NRXN3: variants seen among roughly 807,000 people sequenced by gnomAD.
NRXN3 encodes neurexin 3, also known as neurexin III.
In NRXN3, 32 loss-of-function variants were observed where a neutral mutation model predicts 137.6. That is an observed-to-expected ratio of 0.23 (90% CI 0.18 to 0.31). The LOEUF is 0.31. NRXN3 is among the 10% of genes least tolerant of loss of function. The pLI, the probability that NRXN3 is intolerant of heterozygous loss-of-function variation, is 1.00. For synonymous variants in NRXN3, 798 were observed against 784.5 expected, an observed-to-expected ratio of 1.02 and a Z score of -0.29; for missense variants, 1,574 against 2,062.5, an observed-to-expected ratio of 0.76 and a Z score of 4.59.
chr14:79,717,308 A>G (rs1409807754), intron 19 of NRXN3, among the ~76,000 whole-genome samples: 1 of 152,152 alleles, frequency 6.6e-6, no homozygotes. Context: ...TGCCTTTTTG[A>G]TGGAGTAGTC....
chr14:79,306,886 C>T (rs981522621), intron 15 of NRXN3, among the ~76,000 whole-genome samples: 2 of 152,076 alleles, frequency 1.3e-5, no homozygotes, highest in Non-Finnish European at 2.9e-5. Flanking sequence ...TAGTTTTCCC[C>T]ATTATTGACT....
At chr14:78,772,673 T>A (rs1300468568) in intron 8 of NRXN3, among the ~76,000 whole-genome samples, 1 of 152,226 alleles carries the variant, frequency 6.6e-6, no homozygotes, top group Non-Finnish European at 1.5e-5. Context: ...ATGCAGATTC[T>A]GATTCACTAG....
chr14:78,517,639 G>A (rs966634960), intron 4 of NRXN3, among the ~76,000 whole-genome samples: 3 of 152,114 alleles, frequency 2.0e-5, no homozygotes, highest in Non-Finnish European at 4.4e-5. Flanking sequence ...CTCAGAGATA[G>A]GTGAAAACCA....
intron 15 of NRXN3, among the ~76,000 whole-genome samples, chr14:79,265,534 G>A (rs1032719261): frequency 3.9e-5 from 6 of 152,070 alleles, no homozygotes; most frequent in East Asian, 1.9e-4. Context: ...CGATTCTATG[G>A]CTGTATAGTC....
At chr14:79,372,124 T>G (rs550178492) in intron 15 of NRXN3, among the ~76,000 whole-genome samples, 11 of 128,688 alleles carry the variant, frequency 8.5e-5, no homozygotes, top group Admixed American at 7.7e-4. Context: ...TACACATACT[T>G]AAGACACACA....
At chr14:78,557,161 C>T (rs913173816) in intron 4 of NRXN3, among the ~76,000 whole-genome samples, 2 of 150,780 alleles carry the variant, frequency 1.3e-5, no homozygotes, top group Non-Finnish European at 3.0e-5. Context: ...CTTCCCACCT[C>T]AGCTTCCTGA....
chr14:78,885,376 G>A (rs1011542860), intron 10 of NRXN3, among the ~76,000 whole-genome samples: 4 of 151,848 alleles, frequency 2.6e-5, no homozygotes, highest in Non-Finnish European at 5.9e-5. Flanking sequence ...TGTATAAGGG[G>A]AGTGTTGATT....
At chr14:78,347,483 T>C (rs181295201) in intron 4 of NRXN3, among the ~76,000 whole-genome samples, 14 of 152,334 alleles carry the variant, frequency 9.2e-5, no homozygotes, top group Admixed American at 9.1e-4. Context: ...CAAGACAATG[T>C]ATACTTTCTA....
chr14:79,176,386 G>A (rs914896412), intron 15 of NRXN3, among the ~76,000 whole-genome samples: 6 of 152,138 alleles, frequency 3.9e-5, no homozygotes, highest in African/African-American at 1.4e-4. Flanking sequence ...TTAATGAGCG[G>A]CACACTCTCT....
chr14:78,908,851 A>C, intron 10 of NRXN3, among the ~76,000 whole-genome samples: 1 of 152,164 alleles, frequency 6.6e-6, no homozygotes, highest in East Asian at 1.9e-4. Flanking sequence ...TGCCCCAAAG[A>C]AATTAGCAGT....
chr14:79,078,431 G>A (rs957725211), intron 15 of NRXN3, among the ~76,000 whole-genome samples: 2 of 152,066 alleles, frequency 1.3e-5, no homozygotes, highest in Non-Finnish European at 2.9e-5. Flanking sequence ...TGACTTACAT[G>A]GTAAAAATCC....
intron 10 of NRXN3, among the ~76,000 whole-genome samples, chr14:78,811,248 A>G (rs188659567): frequency 5.3e-4 from 81 of 152,300 alleles, no homozygotes; most frequent in Middle Eastern, 3.4e-3. Context: ...TCAAAGTCCA[A>G]TGCTAATTGG....
At chr14:78,774,574 A>G (rs1298938560) in intron 8 of NRXN3, among the ~76,000 whole-genome samples, 5 of 152,202 alleles carry the variant, frequency 3.3e-5, no homozygotes, top group Admixed American at 6.5e-5. Context: ...CCACTCATTG[A>G]GGTGGATACT....
intron 4 of NRXN3, among the ~76,000 whole-genome samples, chr14:78,601,824 A>G (rs2097204519): frequency 6.6e-6 from 1 of 152,154 alleles, no homozygotes; most frequent in Non-Finnish European, 1.5e-5. Flanking sequence ...TGCTTATCAG[A>G]GTAAATACAA....
chr14:78,203,841 T>TTG (rs1187712038), intron 1 of NRXN3, among the ~76,000 whole-genome samples: 315 of 77,978 alleles, frequency 4.0e-3, no homozygotes, highest in African/African-American at 0.019. Context: ...TGTGTGTGGT[T>TTG]TGTGTGTGTG....
At chr14:78,440,684 G>C (rs886826173) in intron 4 of NRXN3, among the ~76,000 whole-genome samples, 1 of 152,096 alleles carries the variant, frequency 6.6e-6, no homozygotes, top group Admixed American at 6.6e-5. Context: ...GGCCGAGGCT[G>C]CTTTTATTAG....
chr14:78,254,678 C>CAA lies in NRXN3; in HGVS notation c.709+10890_709+10891dup, dbSNP rs36116506. Among the ~76,000 whole-genome samples, 197 of 122,002 alleles carry CAA rather than the reference C, an allele frequency of 1.6e-3. 1 individual carries two copies. The highest frequency in any genetic ancestry group is 4.2e-3 in the Middle Eastern group (1 of 240). 80.0% of individuals were successfully genotyped at this position (122,002 alleles called of 152,430 possible). ...GGGTGACAGAGTGAGACTCCATCTCCAAAAAAAAAAAAAAAGATTGGAAGT... is the reference window on the plus strand; with the variant it reads ...GGGTGACAGAGTGAGACTCCATCTCCAAAAAAAAAAAAAAAAAGATTGGAAGT... On this transcript the variant is annotated intron_variant, in intron 2 of 20. Transcript: ENST00000335750.
At position 79,711,729 on chromosome 14, in the gene NRXN3, C is replaced by T. The variant is rs79572519; in HGVS notation, c.4014+13792C>T. ...TGATGGCTGTTGGCTAAATCCTTCA[C>T]GAAGAACTGCCTTTGACTATTGAAG... On this transcript the variant is annotated intron_variant, in intron 19 of 20. Coordinates refer to ENST00000335750, the MANE Select transcript of NRXN3 (RefSeq NM_001330195.2). 2.5e-3 allele frequency among the ~76,000 whole-genome samples: 387 copies of T among 152,284 alleles called. 3 individuals are homozygous for T. Among genetic ancestry groups the T allele is most frequent in the African/African-American group, 8.6e-3 (357 of 41,558 alleles).
intron 15 of NRXN3, among the ~76,000 whole-genome samples, chr14:79,037,061 C>A (rs1301525680): frequency 6.6e-6 from 1 of 152,018 alleles, no homozygotes; most frequent in South Asian, 2.1e-4. Context: ...TTATAATTCA[C>A]CTGGGTTAAA....
Sources: allele counts gnomAD v4.1 joint callset (sites outside exome capture counted in the v4.1 genomes callset), GRCh38; gene constraint gnomAD v4.1.1; transcripts MANE v1.5; gene names NCBI Gene and HGNC (gene_info 2026-07-23, HGNC 2026-07-21).